The following ARHGAP15 variants were observed in gnomAD, a reference collection of about 807,000 sequenced individuals.
ARHGAP15 encodes Rho GTPase activating protein 15.
A neutral mutation model predicts 63.7 loss-of-function variants in ARHGAP15; 51 were observed. The observed-to-expected ratio is 0.80, with a 90% CI of 0.64 to 1.01. ARHGAP15 has a LOEUF of 1.01. Among genes scored for constraint, ARHGAP15 ranks in the 50% least tolerant of loss-of-function variants. The pLI is 0.00. For synonymous variants in ARHGAP15, 191 were observed against 193.8 expected (o/e 0.99, Z 0.12); for missense variants, 560 against 564.6 (o/e 0.99, Z 0.08).
intron 12 of ARHGAP15, among the ~76,000 whole-genome samples, chr2:143,642,441 T>TA (rs1460097891): frequency 6.6e-6 from 1 of 151,892 alleles, no homozygotes; most frequent in Non-Finnish European, 1.5e-5. Context: ...AAATGTTTTC[T>TA]AAAAAAAATC....
chr2:143,652,139 A>T (rs1056014437), intron 12 of ARHGAP15, among the ~76,000 whole-genome samples: 3 of 152,002 alleles, frequency 2.0e-5, no homozygotes, highest in African/African-American at 7.2e-5. Flanking sequence ...TGAGAGTCAG[A>T]TAGTTCTCTA....
chr2:143,527,485 A>G lies in ARHGAP15; in HGVS notation c.925+8121A>G, dbSNP rs552113538. Among the ~76,000 whole-genome samples, 6 of 151,856 alleles carry G rather than the reference A, an allele frequency of 4.0e-5. No homozygotes were observed. The East Asian group carries it at 1.2e-3, about 29-fold the overall frequency. On this transcript the variant is annotated intron_variant, in intron 10 of 13. Transcript: ENST00000295095. ...GCTTCCTATTTTTGGTTCAGAAAAA[A>G]AAAATGGAAAAAATCAAGGGCTGGA...
rs551998627 is a variant in ARHGAP15 at position 143,234,131 on chromosome 2, T to G, written c.384+5463T>G. Among the ~76,000 whole-genome samples, 4 of 152,354 alleles carry G rather than the reference T, an allele frequency of 2.6e-5. No homozygotes were observed. In the East Asian group the frequency reaches 7.7e-4, roughly 29 times the overall value. Reference sequence around the variant, plus strand: ...TTCTCTTTAGGTATCTTCCAGTTCTTCTTTCTCCTTAATTTCAATTATTGT... The same window carrying G: ...TTCTCTTTAGGTATCTTCCAGTTCTGCTTTCTCCTTAATTTCAATTATTGT... On this transcript the variant is annotated intron_variant, in intron 5 of 13. Transcript: ENST00000295095.
chr2:143,565,695 G>A (rs114700287), intron 11 of ARHGAP15, among the ~76,000 whole-genome samples: 2,202 of 152,266 alleles, frequency 0.014, 24 homozygotes, highest in Non-Finnish European at 0.023. Flanking sequence ...AGCTTGAGGC[G>A]AGATAACTTA....
At chr2:143,569,193 G>T (rs1696358180) in intron 11 of ARHGAP15, among the ~76,000 whole-genome samples, 1 of 151,784 alleles carries the variant, frequency 6.6e-6, no homozygotes, top group South Asian at 2.1e-4. Flanking sequence ...CTAAAATATT[G>T]GCCTAAATGA....
chr2:143,250,841 A>C (rs1267730868), intron 6 of ARHGAP15, among the ~76,000 whole-genome samples: 1 of 152,054 alleles, frequency 6.6e-6, no homozygotes, highest in Non-Finnish European at 1.5e-5. Flanking sequence ...AACACACAAA[A>C]GTCATTGAAG....
At chr2:143,355,161 T>C (rs1306008197) in intron 6 of ARHGAP15, among the ~76,000 whole-genome samples, 3 of 152,184 alleles carry the variant, frequency 2.0e-5, no homozygotes, top group Non-Finnish European at 4.4e-5. Flanking sequence ...TGTGTAAAAA[T>C]ATTTAAGAAT....
intron 6 of ARHGAP15, among the ~76,000 whole-genome samples, chr2:143,288,260 A>G (rs1442525620): frequency 6.6e-6 from 1 of 152,154 alleles, no homozygotes. Flanking sequence ...CACATCCTAC[A>G]CTTCCGAATG....
In ARHGAP15 at chr2:143,202,181, C is replaced by G; in HGVS notation, c.213C>G (p.Val71=). 1 of 1,611,802 alleles carries G rather than the reference C, an allele frequency of 6.2e-7. No homozygotes were observed. The highest frequency in any genetic ancestry group is 2.2e-5 in the East Asian group (1 of 44,850). ...RNHSQHILKD[V]IPPLEQLMVE... is the part of the protein sequence containing the mutation. The stretch of plus-strand genomic sequence containing the variant: ...ATTCACAGCATATCTTGAAAGATGT[C>G]ATTCCTCCATTGGAACAACTGGTGA... Residue 71 remains valine, a synonymous_variant, in exon 3 of 14, where the codon GTC becomes GTG. Coordinates refer to ENST00000295095, the MANE Select transcript of ARHGAP15 (RefSeq NM_018460.4).
chr2:143,339,740 A>G (rs1684971510), intron 6 of ARHGAP15, among the ~76,000 whole-genome samples: 1 of 152,164 alleles, frequency 6.6e-6, no homozygotes, highest in South Asian at 2.1e-4. Flanking sequence ...ATCTATGACT[A>G]AGATTCTCAA....
chr2:143,407,569 T>A (rs1241009202), intron 6 of ARHGAP15, among the ~76,000 whole-genome samples: 1 of 151,882 alleles, frequency 6.6e-6, no homozygotes, highest in East Asian at 1.9e-4. Context: ...ATGTTCTTCA[T>A]GTAGATATTG....
At chr2:143,731,019 T>A in intron 13 of ARHGAP15, among the ~76,000 whole-genome samples, 1 of 138,496 alleles carries the variant, frequency 7.2e-6, no homozygotes, top group East Asian at 2.2e-4. Context: ...CCAGTAGAAG[T>A]GGAGCAGCAA....
intron 6 of ARHGAP15, among the ~76,000 whole-genome samples, chr2:143,427,791 A>T (rs937745630): frequency 6.6e-6 from 1 of 152,122 alleles, no homozygotes; most frequent in African/African-American, 2.4e-5. Context: ...AAGTGTTTTC[A>T]GTAGACGTCA....
intron 10 of ARHGAP15, among the ~76,000 whole-genome samples, chr2:143,527,931 C>T (rs773902490): frequency 6.6e-6 from 1 of 152,034 alleles, no homozygotes; most frequent in African/African-American, 2.4e-5. Context: ...TCTGTAAATC[C>T]ACTTTTTAAA....
chr2:143,676,585 A>G (rs1366175263), intron 12 of ARHGAP15: 1 of 152,226 alleles, frequency 6.6e-6, no homozygotes, highest in African/African-American at 2.4e-5. Flanking sequence ...GGGAGGCCTG[A>G]GAAGAGAGAG....
At chr2:143,626,142 C>G (rs1698825384) in intron 12 of ARHGAP15, among the ~76,000 whole-genome samples, 1 of 152,068 alleles carries the variant, frequency 6.6e-6, no homozygotes, top group Non-Finnish European at 1.5e-5. Context: ...AGGCAGCAGA[C>G]TATTGGGATT....
chr2:143,497,361 C>G (rs1226813770), intron 9 of ARHGAP15, among the ~76,000 whole-genome samples: 2 of 152,102 alleles, frequency 1.3e-5, no homozygotes, highest in Non-Finnish European at 1.5e-5. Flanking sequence ...CTGTTTCAGT[C>G]CTCTAATCAC....
At chr2:143,525,462 G>GTT (rs5834956) in intron 10 of ARHGAP15, among the ~76,000 whole-genome samples, 1 of 146,448 alleles carries the variant, frequency 6.8e-6, no homozygotes, top group African/African-American at 2.5e-5. Context: ...CTATGTTTTT[G>GTT]TTTTTTTTTT....
intron 13 of ARHGAP15, among the ~76,000 whole-genome samples, chr2:143,751,175 G>C (rs1304038740): frequency 1.3e-5 from 2 of 152,206 alleles, no homozygotes; most frequent in African/African-American, 4.8e-5. Flanking sequence ...GACAAAGCCT[G>C]GCTACCCACA....
Sources: gnomAD v4.1 joint callset for allele counts (sites outside exome capture counted in the v4.1 genomes callset) on GRCh38, gnomAD v4.1.1 for gene constraint, MANE v1.5 for transcripts, NCBI Gene and HGNC (gene_info 2026-07-23, HGNC 2026-07-21) for gene names.